CFAP299: variants seen among roughly 807,000 people sequenced by gnomAD.
The protein encoded by CFAP299 is cilia and flagella associated protein 299, also known as cilia- and flagella-associated protein 299.
Under a neutral mutation model 27.0 loss-of-function variants are expected in CFAP299, and 21 were observed. The ratio of observed to expected loss-of-function variants is 0.78; its 90% CI spans 0.55 to 1.12. CFAP299 has a LOEUF of 1.12. Ranked by LOEUF, CFAP299 falls within the 50% of genes most tolerant of loss-of-function variation. CFAP299 has a pLI of 0.00. For missense variants in CFAP299, 310 were observed against 276.6 expected (o/e 1.12, Z -0.86); for synonymous variants, 104 against 98.1 (o/e 1.06, Z -0.36).
intron 4 of CFAP299, among the ~76,000 whole-genome samples, chr4:80,891,841 A>AAG (rs1214318935): frequency 6.8e-6 from 1 of 146,990 alleles, no homozygotes; most frequent in Admixed American, 6.7e-5. Context: ...AAAAAAAAAA[A>AAG]AAAAAAAAGA....
chr4:80,462,739 G>A lies in CFAP299; in HGVS notation c.242+99855G>A, dbSNP rs893355486. Among the ~76,000 whole-genome samples, 7 of 152,096 alleles carry A rather than the reference G, an allele frequency of 4.6e-5. No homozygotes were observed. In the East Asian group the frequency reaches 9.6e-4, roughly 21 times the overall value. ...TACCAAACCACGTGATCCAGAGATGGGTGATCTGGAGATGCTTCAAATTCA... is the reference window on the plus strand; with the variant it reads ...TACCAAACCACGTGATCCAGAGATGAGTGATCTGGAGATGCTTCAAATTCA... On this transcript the variant is annotated intron_variant, in intron 2 of 5. Coordinates refer to ENST00000358105, the MANE Select transcript of CFAP299 (RefSeq NM_152770.3).
intron 2 of CFAP299, among the ~76,000 whole-genome samples, chr4:80,479,841 G>T (rs747133305): frequency 7.9e-5 from 12 of 151,880 alleles, no homozygotes; most frequent in Admixed American, 2.0e-4. Flanking sequence ...CTTTATATTG[G>T]TCCTGAATTA....
At chr4:80,593,996 T>A (rs1736921360) in intron 3 of CFAP299, among the ~76,000 whole-genome samples, 1 of 152,216 alleles carries the variant, frequency 6.6e-6, no homozygotes, top group African/African-American at 2.4e-5. Context: ...ATTTTCTAGC[T>A]TCTTAAATTT....
chr4:80,405,488 A>G (rs1235325435), intron 2 of CFAP299, among the ~76,000 whole-genome samples: 1 of 152,214 alleles, frequency 6.6e-6, no homozygotes, highest in Non-Finnish European at 1.5e-5. Context: ...GGTCACTCAA[A>G]TATATAATTG....
At chr4:80,726,580 CT>C (rs1330775236) in intron 3 of CFAP299, among the ~76,000 whole-genome samples, 4 of 151,706 alleles carry the variant, frequency 2.6e-5, no homozygotes, top group Non-Finnish European at 5.9e-5. Flanking sequence ...AAGAGATGAA[CT>C]TTTTTTTCCG....
chr4:80,959,700 CTT>C (rs1738245052), intron 5 of CFAP299, among the ~76,000 whole-genome samples: 2 of 151,998 alleles, frequency 1.3e-5, no homozygotes, highest in East Asian at 3.9e-4. Context: ...AGGAATAACT[CTT>C]TGTGATATTT....
chr4:80,444,704 C>A (rs1161190423), intron 2 of CFAP299, among the ~76,000 whole-genome samples: 1 of 152,142 alleles, frequency 6.6e-6, no homozygotes, highest in Admixed American at 6.5e-5. Flanking sequence ...TAAAGAGCTT[C>A]TGCACAGCAA....
intron 1 of CFAP299, among the ~76,000 whole-genome samples, chr4:80,348,057 A>G (rs1722828089): frequency 6.6e-6 from 1 of 152,222 alleles, no homozygotes; most frequent in Non-Finnish European, 1.5e-5. Flanking sequence ...AGGATTCCCT[A>G]TTTAATAAAT....
At chr4:80,414,358 C>T (rs185355390) in intron 2 of CFAP299, among the ~76,000 whole-genome samples, 1 of 152,026 alleles carries the variant, frequency 6.6e-6, no homozygotes, top group Admixed American at 6.6e-5. Context: ...GCGTGAGCCA[C>T]CGCGACAAAT....
rs1728396565 is a variant in CFAP299, at chr4:80,800,385, A to AATATATTG, written c.334-69601_334-69600insGATATATT. ...TATTAATATAATATATATAATATAT[A>AATATATTG]ATATATTAATATAATATATATTGAT... is the stretch of plus-strand genomic sequence containing the variant. On this transcript the variant is annotated intron_variant, in intron 3 of 5. Transcript: ENST00000358105. 1.0e-4 allele frequency among the ~76,000 whole-genome samples: 6 copies of AATATATTG among 58,670 alleles called. 1 individual carries two copies. The highest frequency in any genetic ancestry group is 5.6e-4 in the African/African-American group (6 of 10,622). The allele number at this position is 58,670 out of a possible 152,430, so 38.5% of individuals were successfully genotyped here.
chr4:80,757,211 G>A (rs1305923588), intron 3 of CFAP299, among the ~76,000 whole-genome samples: 1 of 151,704 alleles, frequency 6.6e-6, no homozygotes, highest in East Asian at 1.9e-4. Flanking sequence ...ATTCACATAA[G>A]AGAAATTAGA....
rs148938828 is a variant in CFAP299 at position 80,502,007 on chromosome 4, G to A, written c.243-81086G>A. 5.0e-3 allele frequency among the ~76,000 whole-genome samples: 766 copies of A among 151,744 alleles called. 4 individuals carry two copies. Among genetic ancestry groups the A allele is most frequent in the Middle Eastern group, 0.017 (5 of 292 alleles). On this transcript the variant is annotated intron_variant, in intron 2 of 5. Coordinates refer to ENST00000358105, the MANE Select transcript of CFAP299 (RefSeq NM_152770.3). ...TCTATTATTAATTATTCTTAGTTAC[G>A]GATGATTACTTTTATAAAATGTTGT...
At chr4:80,433,465 G>T (rs907106728) in intron 2 of CFAP299, among the ~76,000 whole-genome samples, 5 of 152,034 alleles carry the variant, frequency 3.3e-5, no homozygotes, top group African/African-American at 1.2e-4. Flanking sequence ...CGAACACTTC[G>T]AGTTCTGCTT....
intron 3 of CFAP299, among the ~76,000 whole-genome samples, chr4:80,865,377 T>C (rs1012710830): frequency 3.3e-5 from 5 of 152,144 alleles, no homozygotes; most frequent in Non-Finnish European, 7.4e-5. Context: ...AAAATATAAA[T>C]AAGGCAGTGA....
intron 2 of CFAP299, among the ~76,000 whole-genome samples, chr4:80,422,619 G>A (rs1727341293): frequency 6.6e-6 from 1 of 152,032 alleles, no homozygotes; most frequent in South Asian, 2.1e-4. Flanking sequence ...AGCACTGTGA[G>A]TAAGTATATA....
At chr4:80,447,167 G>C in intron 2 of CFAP299, among the ~76,000 whole-genome samples, 1 of 107,016 alleles carries the variant, frequency 9.3e-6, no homozygotes, top group Admixed American at 1.3e-4. Context: ...ACGGAGTCTC[G>C]CTCTGTCACC....
chr4:80,452,805 G>T (rs536106788), intron 2 of CFAP299, among the ~76,000 whole-genome samples: 54 of 152,256 alleles, frequency 3.5e-4, no homozygotes, highest in Non-Finnish European at 6.6e-4. Flanking sequence ...ACATCCGTCC[G>T]CATTGATGTT....
intron 3 of CFAP299, among the ~76,000 whole-genome samples, chr4:80,866,755 C>T (rs78437746): frequency 0.019 from 2,944 of 152,176 alleles, 111 homozygotes; most frequent in African/African-American, 0.067. Context: ...ACAGAGCAGA[C>T]ATTTAACTCT....
At chr4:80,622,134 A>T (rs536060155) in intron 3 of CFAP299, among the ~76,000 whole-genome samples, 9 of 152,262 alleles carry the variant, frequency 5.9e-5, no homozygotes, top group African/African-American at 2.2e-4. Flanking sequence ...GGACTCTTTA[A>T]TGCAAAAATA....
Sources: gnomAD v4.1 joint callset for allele counts (sites outside exome capture counted in the v4.1 genomes callset) on GRCh38, gnomAD v4.1.1 for gene constraint, MANE v1.5 for transcripts, NCBI Gene and HGNC (gene_info 2026-07-23, HGNC 2026-07-21) for gene names.